The following ABHD2 variants were observed in gnomAD, a reference collection of about 807,000 sequenced individuals.
ABHD2 encodes abhydrolase domain containing 2, acylglycerol lipase.
A neutral mutation model predicts 48.1 loss-of-function variants in ABHD2; 20 were observed. That is an observed-to-expected ratio of 0.42 (90% confidence interval 0.29 to 0.60). The LOEUF (loss-of-function observed/expected upper bound fraction) is 0.60. ABHD2 is among the 20% of genes least tolerant of loss of function. ABHD2 has a pLI of 0.24. For synonymous variants in ABHD2, 209 were observed against 214.2 expected, an observed-to-expected ratio of 0.98 and a Z score of 0.21; for missense variants, 405 against 550.9, an observed-to-expected ratio of 0.74 and a Z score of 2.65.
At position 89,177,694 on chromosome 15, in the gene ABHD2, C is replaced by A. The variant is rs972366651; in HGVS notation, c.722+1699C>A. On this transcript the variant is annotated intron_variant, in intron 6 of 10. Transcript: ENST00000352732. The surrounding 1 kb of genome is among the most constrained non-coding windows in gnomAD (Gnocchi z 5.6). Reference sequence around the variant, plus strand: ...GGGGAGTCAGCTGAGAGGACATGTGCCTTTATCTTGGTGGGACTAGTAATA... The same window carrying A: ...GGGGAGTCAGCTGAGAGGACATGTGACTTTATCTTGGTGGGACTAGTAATA... Among the ~76,000 whole-genome samples the A allele has an allele frequency of 1.3e-5, 2 of 152,032 alleles. No individual in the cohort carries two copies. Among genetic ancestry groups the A allele is most frequent in the African/African-American group, 4.8e-5 (2 of 41,368 alleles).
intron 3 of ABHD2, among the ~76,000 whole-genome samples, chr15:89,118,125 G>A (rs1370054970): frequency 3.3e-5 from 5 of 152,028 alleles, no homozygotes; most frequent in Admixed American, 6.6e-5. Flanking sequence ...GGGTGTGCAC[G>A]GTATATGTTT....
intron 10 of ABHD2, among the ~76,000 whole-genome samples, chr15:89,194,326 C>T (rs1477945175): frequency 1.3e-5 from 2 of 151,854 alleles, no homozygotes; most frequent in East Asian, 3.9e-4. Flanking sequence ...TGGTGAAACC[C>T]CATCTCTACT....
chr15:89,200,773 C>T lies in ABHD2; in HGVS notation c.*5350C>T, dbSNP rs7179900. 0.87 allele frequency: 214,924 copies of T among 247,964 alleles called. 93,386 individuals are homozygous for T. The highest frequency in any genetic ancestry group is 1 in the East Asian group (9,802 of 9,822). 15.4% of individuals were successfully genotyped at this position (247,964 alleles called of 1,614,324 possible). A position where few individuals can be genotyped will look rare whatever the true frequency, so the allele number is the denominator to read the frequency against. ...ACTCTGCATGCTTTGCTCTACAAGA[C>T]GAATTTCCCTAGAAAGAATCCAATG... On this transcript the variant is annotated 3_prime_UTR_variant, in exon 11 of 11. Coordinates refer to ENST00000352732, the MANE Select transcript of ABHD2 (RefSeq NM_152924.5).
At position 89,185,627 on chromosome 15, in the gene ABHD2, G is replaced by T. The variant is rs746241541; in HGVS notation, c.815+111G>T. ...CCTTCAGGGGAAAAAAAAAAATGCA[G>T]GTGTGGTACAGACTCTCTGCTGCCT... On this transcript the variant is annotated intron_variant, in intron 7 of 10. Coordinates refer to ENST00000352732, the MANE Select transcript of ABHD2 (RefSeq NM_152924.5). The surrounding 1 kb of genome is among the most constrained non-coding windows in gnomAD (Gnocchi z 5.9). 34 of 955,788 alleles carry T rather than the reference G, an allele frequency of 3.6e-5. No individual in the cohort carries two copies. In the Middle Eastern group the frequency reaches 8.3e-4, roughly 23 times the overall value. 59.2% of individuals were successfully genotyped at this position (955,788 alleles called of 1,614,324 possible).
In ABHD2 at chr15:89,191,064, T is replaced by G. The variant is rs200378206; in HGVS notation, c.927-16T>G. On this transcript the variant is annotated splice_polypyrimidine_tract_variant and intron_variant, in intron 8 of 10. Transcript: ENST00000352732. ...TTTTGTCCTTTTTCTTTTTTTCTTT[T>G]TCTGGTGTGTTGCAGGAAGTTTCAC... 68 of 1,612,358 alleles carry G rather than the reference T, an allele frequency of 4.2e-5. No individual in the cohort carries two copies. The highest frequency in any genetic ancestry group is 1.1e-5 in the Non-Finnish European group (13 of 1,179,716).
At position 89,201,139 on chromosome 15, in the gene ABHD2, A is replaced by G; in HGVS notation, c.*5716A>G. 8.0e-7 allele frequency: 1 copy of G among 1,242,922 alleles called. No homozygotes were observed. The highest frequency in any genetic ancestry group is 1.2e-6 in the Non-Finnish European group (1 of 844,382). 77.0% of individuals were successfully genotyped at this position (1,242,922 alleles called of 1,614,324 possible). A position where few individuals can be genotyped will look rare whatever the true frequency, so the allele number is the denominator to read the frequency against. On this transcript the variant is annotated 3_prime_UTR_variant, in exon 11 of 11. Coordinates refer to ENST00000352732, the MANE Select transcript of ABHD2 (RefSeq NM_152924.5). The stretch of plus-strand genomic sequence containing the variant: ...CTGCAATTACAACAAGAAGTGAAGG[A>G]AGAAGACTGGTGACATCTCTGAAGG...
At chr15:89,059,265 G>A in the ABHD2 span, among the ~76,000 whole-genome samples, 1 of 152,264 alleles carries the variant, frequency 6.6e-6, no homozygotes, top group Non-Finnish European at 1.5e-5. Flanking sequence ...ACCCAGGCGA[G>A]CCACTTGACA....
chr15:89,136,648 A>T (rs2050318055), intron 3 of ABHD2, among the ~76,000 whole-genome samples: 1 of 152,190 alleles, frequency 6.6e-6, no homozygotes, highest in African/African-American at 2.4e-5. Context: ...GCTCTATAAC[A>T]TTGCTCTCCA....
At chr15:89,112,079 A>G (rs1346337974) in intron 1 of ABHD2, among the ~76,000 whole-genome samples, 1 of 152,108 alleles carries the variant, frequency 6.6e-6, no homozygotes, top group Non-Finnish European at 1.5e-5. Context: ...GGTACCATAC[A>G]TTATTAAAGC....
chr15:89,136,292 C>A, intron 3 of ABHD2: 1 of 440,240 alleles, frequency 2.3e-6, no homozygotes, highest in Non-Finnish European at 4.5e-6. Flanking sequence ...TCGTATGGGC[C>A]CTGTCTGCCT....
Position 89,188,326 on chromosome 15 carries a change from G to C in ABHD2, c.926+23G>C. ...GAGGTGTGTCCGCGCAGGCGGGAGA[G>C]GGACGCTCTGGGGCAGGGTGCCAGG... is the stretch of plus-strand genomic sequence containing the variant. On this transcript the variant is annotated intron_variant, in intron 8 of 10. Coordinates refer to ENST00000352732, the MANE Select transcript of ABHD2 (RefSeq NM_152924.5). The surrounding 1 kb of genome is among the most constrained non-coding windows in gnomAD (Gnocchi z 4.1). 1 of 1,607,658 alleles carries C rather than the reference G, an allele frequency of 6.2e-7. No homozygotes were observed.
chr15:89,101,989 G>A (rs1483856883), intron 1 of ABHD2, among the ~76,000 whole-genome samples: 1 of 152,196 alleles, frequency 6.6e-6, no homozygotes, highest in African/African-American at 2.4e-5. Context: ...AGCCAAGGCA[G>A]CACCTGTGTA....
intron 3 of ABHD2, among the ~76,000 whole-genome samples, chr15:89,138,288 C>T (rs1241560912): frequency 6.6e-6 from 1 of 152,238 alleles, no homozygotes; most frequent in Non-Finnish European, 1.5e-5. Flanking sequence ...ACTCGTGGAG[C>T]TGCCACAAAG....
chr15:89,140,469 TTA>T (rs2050384107), intron 3 of ABHD2, among the ~76,000 whole-genome samples: 2 of 152,356 alleles, frequency 1.3e-5, no homozygotes, highest in South Asian at 4.1e-4. Flanking sequence ...TTCTTTTTTT[TTA>T]ACGTTACAAT....
chr15:89,078,500 A>G, the ABHD2 span, among the ~76,000 whole-genome samples: 1 of 152,184 alleles, frequency 6.6e-6, no homozygotes, highest in South Asian at 2.1e-4. Flanking sequence ...ACCTTAAGCT[A>G]TTACAAATGG....
At chr15:89,172,166 AT>A (rs1419624956) in intron 5 of ABHD2, among the ~76,000 whole-genome samples, 1 of 152,164 alleles carries the variant, frequency 6.6e-6, no homozygotes, top group Non-Finnish European at 1.5e-5. Flanking sequence ...ACATAACAAA[AT>A]TTCATCCTAA....
the ABHD2 span, among the ~76,000 whole-genome samples, chr15:89,058,975 G>GA: frequency 1.3e-5 from 2 of 152,176 alleles, no homozygotes; most frequent in African/African-American, 4.8e-5. Context: ...CAGCTGATGG[G>GA]AAAGCAGCTC....
At chr15:89,159,026 T>A (rs2050719332) in intron 5 of ABHD2, among the ~76,000 whole-genome samples, 1 of 151,990 alleles carries the variant, frequency 6.6e-6, no homozygotes, top group South Asian at 2.1e-4. Context: ...ACCGTGCTGT[T>A]TGTGACCCAG....
chr15:89,149,583 A>G (rs1220122952), intron 3 of ABHD2, among the ~76,000 whole-genome samples: 1 of 152,176 alleles, frequency 6.6e-6, no homozygotes, highest in Non-Finnish European at 1.5e-5. Flanking sequence ...GGAGCTGTGC[A>G]TGGAGAAGGG....
Sources: allele counts gnomAD v4.1 joint callset (sites outside exome capture counted in the v4.1 genomes callset), GRCh38; gene constraint gnomAD v4.1.1; non-coding constraint Gnocchi (gnomAD v3.1); transcripts MANE v1.5; gene names NCBI Gene and HGNC (gene_info 2026-07-23, HGNC 2026-07-21).